Variants in PTGFRN observed in about 807,000 individuals in gnomAD.
The protein encoded by PTGFRN is prostaglandin F2 receptor negative regulator.
In PTGFRN, 35 loss-of-function variants were observed where a neutral mutation model predicts 83.2. That is an observed-to-expected ratio of 0.42 (90% confidence interval 0.32 to 0.56). The LOEUF is 0.56. Ranked by LOEUF, PTGFRN falls within the 20% of genes least tolerant of loss-of-function variation. The pLI is 0.11. For synonymous variants in PTGFRN, 519 were observed against 498.6 expected, an observed-to-expected ratio of 1.04 and a Z score of -0.55; for missense variants, 1,051 against 1,179.5, an observed-to-expected ratio of 0.89 and a Z score of 1.60.
chr1:116,963,002 G>A (rs1181379070), intron 5 of PTGFRN, among the ~76,000 whole-genome samples: 1 of 152,132 alleles, frequency 6.6e-6, no homozygotes, highest in Non-Finnish European at 1.5e-5. Context: ...TAAATTCCCA[G>A]TCAGTTTTAA....
intron 6 of PTGFRN, among the ~76,000 whole-genome samples, chr1:116,968,251 T>G (rs1650894736): frequency 6.6e-6 from 1 of 151,836 alleles, no homozygotes; most frequent in African/African-American, 2.4e-5. Context: ...AAATTAATAC[T>G]TATCTGTAAA....
chr1:116,982,393 T>C (rs1651344462), intron 7 of PTGFRN, among the ~76,000 whole-genome samples: 1 of 152,130 alleles, frequency 6.6e-6, no homozygotes, highest in Non-Finnish European at 1.5e-5. Flanking sequence ...ACACAAGTTG[T>C]AATTTAGTTT....
intron 4 of PTGFRN, among the ~76,000 whole-genome samples, chr1:116,959,078 A>G (rs1406444045): frequency 6.6e-6 from 1 of 152,200 alleles, no homozygotes; most frequent in Non-Finnish European, 1.5e-5. Flanking sequence ...TGAATTCGAC[A>G]TGAAAGTTTA....
chr1:116,949,368 G>C lies in PTGFRN; in HGVS notation c.1009G>C (p.Asp337His). The change falls in exon 4 of 9, where the codon GAT becomes CAT. Residue 337 changes from aspartate to histidine, a missense_variant. Transcript: ENST00000393203. ...GSRVLARLDR[D>H]SLVHSSPHVA... ...CCGCGTGTTGGCGCGGCTTGACCGT[G>C]ATTCCCTGGTGCACAGCTCGCCTCA... 3 of 1,614,254 alleles carry C rather than the reference G, an allele frequency of 1.9e-6. No individual in the cohort carries two copies. The highest frequency in any genetic ancestry group is 2.5e-6 in the Non-Finnish European group (3 of 1,180,046).
rs1650050146 is a variant in PTGFRN at position 116,941,198 on chromosome 1, C to T, written c.50-517C>T. Among the ~76,000 whole-genome samples the T allele has an allele frequency of 6.6e-6, 1 of 152,160 alleles. No individual in the cohort carries two copies. The highest frequency in any genetic ancestry group is 2.1e-4 in the South Asian group (1 of 4,830). The stretch of plus-strand genomic sequence containing the variant: ...TTTAAAATTAATTTATAGGCAATGT[C>T]AGATAACAGGAGTTAAATCATTTTA... On this transcript the variant is annotated intron_variant, in intron 1 of 8. Coordinates refer to ENST00000393203, the MANE Select transcript of PTGFRN (RefSeq NM_020440.4). This position sits in a 1 kb window ranked among gnomAD's most constrained non-coding sequence, Gnocchi z 5.0.
Position 116,974,343 on chromosome 1 carries a change from C to G in PTGFRN, c.2167+20C>G. ...ATCCAGGTACCTCACTCCATCCTCA[C>G]CCCTTCACCATGTTGCTTTCTGTAA... On this transcript the variant is annotated intron_variant, in intron 7 of 8. Coordinates refer to ENST00000393203, the MANE Select transcript of PTGFRN (RefSeq NM_020440.4). The G allele has an allele frequency of 6.6e-7, 1 of 1,519,588 alleles. No homozygotes were observed. The highest frequency in any genetic ancestry group is 9.1e-7 in the Non-Finnish European group (1 of 1,095,364). 94.1% of individuals were successfully genotyped at this position (1,519,588 alleles called of 1,614,324 possible). A position where few individuals can be genotyped will look rare whatever the true frequency, so the allele number is the denominator to read the frequency against.
Position 116,961,172 on chromosome 1 carries a change from A to G in PTGFRN, c.1214-71A>G, listed in dbSNP as rs1011316270. The G allele has an allele frequency of 4.4e-5, 64 of 1,438,762 alleles. No homozygotes were observed. Among genetic ancestry groups the G allele is most frequent in the Non-Finnish European group, 5.6e-5 (60 of 1,077,084 alleles). The allele number at this position is 1,438,762 out of a possible 1,614,324, so 89.1% of individuals were successfully genotyped here. On this transcript the variant is annotated intron_variant, in intron 4 of 8. Coordinates refer to ENST00000393203, the MANE Select transcript of PTGFRN (RefSeq NM_020440.4). The surrounding 1 kb of genome is among the most constrained non-coding windows in gnomAD (Gnocchi z 5.4). ...TTAAAACAAGAGCAGTCCTTGTCTCATTCCTTTTGTTAATTCTTGCCATGT... is the reference window on the plus strand; with the variant it reads ...TTAAAACAAGAGCAGTCCTTGTCTCGTTCCTTTTGTTAATTCTTGCCATGT...
At position 116,961,564 on chromosome 1, in the gene PTGFRN, A is replaced by G. The variant is rs767384600; in HGVS notation, c.1535A>G (p.Asn512Ser). 4 of 1,614,206 alleles carry G rather than the reference A, an allele frequency of 2.5e-6. No individual in the cohort carries two copies. The highest frequency in any genetic ancestry group is 3.4e-6 in the Non-Finnish European group (4 of 1,180,036). Reference protein sequence around the residue: ...IQRTTEEDRGNYYCVVSAWTK... With the variant: ...IQRTTEEDRGSYYCVVSAWTK... ...AGGACTACAGAGGAAGACAGAGGCA[A>G]TTATTACTGTGTTGTGTCTGCCTGG... is the stretch of plus-strand genomic sequence containing the variant. Residue 512 changes from asparagine (N) to serine (S), a missense_variant, in exon 5 of 9, where the codon AAT (asparagine) becomes AGT (serine). By Grantham distance (46) the Asn-to-Ser change is conservative. Transcript: ENST00000393203. The surrounding 1 kb of genome is among the most constrained non-coding windows in gnomAD (Gnocchi z 5.4).
chr1:116,970,594 A>G (rs1200386165), intron 6 of PTGFRN, among the ~76,000 whole-genome samples: 1 of 152,188 alleles, frequency 6.6e-6, no homozygotes, highest in African/African-American at 2.4e-5. Context: ...TCTCAGCATA[A>G]CAGATAAAAC....
rs1570676132 is a variant in PTGFRN, at chr1:116,974,099, T to TTTCTAGACCAGTTCCCA, written c.2060-116_2060-100dup. 1.1e-5 allele frequency: 8 copies of TTTCTAGACCAGTTCCCA among 740,458 alleles called. No homozygotes were observed. In the East Asian group the frequency reaches 1.3e-4, roughly 12 times the overall value. 45.9% of individuals were successfully genotyped at this position (740,458 alleles called of 1,614,324 possible). A position where few individuals can be genotyped will look rare whatever the true frequency, so the allele number is the denominator to read the frequency against. ...AACCTTGGAACACCTATTTTGTGAGTTTCTAGACCAGTTCCCAGGGAAGAG... is the reference window on the plus strand; with the variant it reads ...AACCTTGGAACACCTATTTTGTGAGTTTCTAGACCAGTTCCCATTCTAGACCAGTTCCCAGGGAAGAG... On this transcript the variant is annotated intron_variant, in intron 6 of 8. Coordinates refer to ENST00000393203, the MANE Select transcript of PTGFRN (RefSeq NM_020440.4).
At chr1:116,943,747 GTCC>G (rs934559058) in intron 2 of PTGFRN, among the ~76,000 whole-genome samples, 2 of 152,044 alleles carry the variant, frequency 1.3e-5, no homozygotes, top group African/African-American at 4.8e-5. Context: ...TTCAGGATGT[GTCC>G]TCCTAAAAAT....
intron 1 of PTGFRN, among the ~76,000 whole-genome samples, chr1:116,921,769 G>T (rs1649542749): frequency 6.6e-6 from 1 of 152,088 alleles, no homozygotes; most frequent in Non-Finnish European, 1.5e-5. Flanking sequence ...TTTTTTAAAG[G>T]CTTGGGTGAA....
intron 5 of PTGFRN, among the ~76,000 whole-genome samples, chr1:116,966,121 A>G (rs1221135301): frequency 6.6e-6 from 1 of 152,242 alleles, no homozygotes; most frequent in Admixed American, 6.5e-5. Flanking sequence ...CATCCACTCA[A>G]CAAATATTTA....
Position 116,938,079 on chromosome 1 carries a change from A to G in PTGFRN, c.50-3636A>G, listed in dbSNP as rs563799663. 2.0e-5 allele frequency among the ~76,000 whole-genome samples: 3 copies of G among 152,320 alleles called. No individual in the cohort carries two copies. In the South Asian group the frequency reaches 6.2e-4, roughly 32 times the overall value. On this transcript the variant is annotated intron_variant, in intron 1 of 8. Coordinates refer to ENST00000393203, the MANE Select transcript of PTGFRN (RefSeq NM_020440.4). ...ATTGTCTGGTTGTCTCAAAAATTAAATGTAAAAAAGTGATCACCTCATTTC... is the reference window on the plus strand; with the variant it reads ...ATTGTCTGGTTGTCTCAAAAATTAAGTGTAAAAAAGTGATCACCTCATTTC...
intron 1 of PTGFRN, among the ~76,000 whole-genome samples, chr1:116,927,216 A>G (rs1557959343): frequency 6.6e-6 from 1 of 152,242 alleles, no homozygotes; most frequent in Non-Finnish European, 1.5e-5. Flanking sequence ...CAAATCTGAC[A>G]TGAAGTTCTA....
intron 7 of PTGFRN, among the ~76,000 whole-genome samples, chr1:116,977,054 A>C (rs1444970078): frequency 6.6e-6 from 1 of 152,210 alleles, no homozygotes; most frequent in Non-Finnish European, 1.5e-5. Context: ...GGAAACAAAA[A>C]AAGGCAGGGG....
intron 1 of PTGFRN, among the ~76,000 whole-genome samples, chr1:116,928,390 C>T (rs571570502): frequency 3.3e-5 from 5 of 152,322 alleles, no homozygotes; most frequent in Admixed American, 1.3e-4. Flanking sequence ...TTCAGTCCAT[C>T]AGGCCATTCT....
intron 4 of PTGFRN, among the ~76,000 whole-genome samples, chr1:116,954,121 G>C (rs752458353): frequency 6.6e-6 from 1 of 152,100 alleles, no homozygotes; most frequent in Non-Finnish European, 1.5e-5. Flanking sequence ...GCCTCCCAAA[G>C]TGCTGGGATT....
In PTGFRN at chr1:116,949,460, C is replaced by G; in HGVS notation, c.1101C>G (p.Asn367Lys). 1 of 1,614,262 alleles carries G rather than the reference C, an allele frequency of 6.2e-7. No homozygotes were observed. Among genetic ancestry groups the G allele is most frequent in the Non-Finnish European group, 8.5e-7 (1 of 1,180,056 alleles). The change falls in exon 4 of 9, where the codon AAC (asparagine) becomes AAG (lysine). Residue 367 changes from asparagine to lysine, a missense_variant. Physicochemically the swap from Asn to Lys is moderately conservative, Grantham distance 94. This residue lies in a region of PTGFRN where 719 missense variants were observed against 836.6 expected (regional missense o/e 0.86). Coordinates refer to ENST00000393203, the MANE Select transcript of PTGFRN (RefSeq NM_020440.4). ...HLLVRDVSKE[N>K]SGYYYCHVSL... The stretch of plus-strand genomic sequence containing the variant: ...TGGTTCGGGATGTTAGCAAAGAAAA[C>G]TCTGGCTACTATTACTGCCACGTGT...
Sources: gnomAD v4.1 joint callset for allele counts (sites outside exome capture counted in the v4.1 genomes callset) on GRCh38, gnomAD v4.1.1 for gene constraint, gnomAD v4.1.1 regional missense constraint, Gnocchi (gnomAD v3.1) non-coding constraint, MANE v1.5 for transcripts, NCBI Gene and HGNC (gene_info 2026-07-23, HGNC 2026-07-21) for gene names.